Variants in SCML2 observed in about 807,000 individuals in gnomAD.
SCML2 encodes Scm polycomb group protein like 2.
In SCML2, 6 loss-of-function variants were observed where a neutral mutation model predicts 48.4. The observed-to-expected ratio is 0.12, with a 90% confidence interval of 0.07 to 0.24. The LOEUF is 0.24. Ranked by LOEUF, SCML2 falls within the 10% of genes least tolerant of loss-of-function variation. The pLI is 1.00. For missense variants in SCML2, 377 were observed against 528.2 expected, an observed-to-expected ratio of 0.71 and a Z score of 2.81; for synonymous variants, 181 against 189.5, an observed-to-expected ratio of 0.95 and a Z score of 0.37.
At chrX:18,331,259 CAAAAAAA>C (rs35589774) in intron 2 of SCML2, among the ~76,000 whole-genome samples, 23 of 16,262 alleles carry the variant, frequency 1.4e-3, no homozygotes, top group Admixed American at 1.8e-3. Flanking sequence ...GACTCCGTCT[CAAAAAAA>C]AAAAAAAAAA....
chrX:18,245,755 T>C (rs114936652), intron 13 of SCML2, among the ~76,000 whole-genome samples: 4,318 of 111,964 alleles, frequency 0.039, 218 homozygotes, highest in African/African-American at 0.13. Flanking sequence ...TTCTTTCTTT[T>C]TGAGATGGAG....
chrX:18,323,810 T>C, intron 5 of SCML2, 49 bp downstream of exon 5: 2 of 992,992 alleles, frequency 2.0e-6, no homozygotes, highest in Non-Finnish European at 2.9e-6. Context: ...CCATTTCTAT[T>C]GAATATCACA....
At chrX:18,299,603 C>T (rs751522253) in intron 7 of SCML2, among the ~76,000 whole-genome samples, 2 of 110,705 alleles carry the variant, frequency 1.8e-5, no homozygotes, top group East Asian at 2.8e-4. Context: ...TGAAAAAATG[C>T]TCAACATCAC....
At chrX:18,275,897 T>C (rs903700331) in intron 7 of SCML2, among the ~76,000 whole-genome samples, 1 of 112,548 alleles carries the variant, frequency 8.9e-6, no homozygotes, top group African/African-American at 3.2e-5. Context: ...CTCACTAGGA[T>C]GGCTATAATA....
intron 6 of SCML2, among the ~76,000 whole-genome samples, chrX:18,314,146 G>C (rs1226922079): frequency 8.9e-6 from 1 of 112,116 alleles, no homozygotes; most frequent in Non-Finnish European, 1.9e-5. Flanking sequence ...TCAAAAATCA[G>C]CTTTCCTCAT....
intron 7 of SCML2, among the ~76,000 whole-genome samples, chrX:18,277,585 T>G (rs145030411): frequency 5.8e-4 from 65 of 111,992 alleles, no homozygotes; most frequent in African/African-American, 2.0e-3. Flanking sequence ...CCCAAAAGCT[T>G]ATGCTCTTTG....
chrX:18,248,964 T>C (rs369685100), intron 11 of SCML2, among the ~76,000 whole-genome samples: 2 of 111,591 alleles, frequency 1.8e-5, no homozygotes, highest in Non-Finnish European at 1.9e-5. Context: ...AAATATAAAA[T>C]TGACTCGACT....
At chrX:18,329,750 T>C (rs191312330) in intron 3 of SCML2, among the ~76,000 whole-genome samples, 260 of 112,418 alleles carry the variant, frequency 2.3e-3, no homozygotes, top group African/African-American at 8.1e-3. Flanking sequence ...AGTAGTGCCA[T>C]GAGATAAGTA....
In SCML2 at chrX:18,258,157, G is replaced by A; in HGVS notation, c.1160C>T (p.Pro387Leu). 2 of 1,211,326 alleles carry A rather than the reference G, an allele frequency of 1.7e-6. No homozygotes were observed. Among genetic ancestry groups the A allele is most frequent in the Non-Finnish European group, 2.2e-6 (2 of 895,056 alleles). The change falls in exon 10 of 15, where the codon CCG becomes CTG. Residue 387 changes from proline to leucine, a missense_variant. Pro to Leu is a moderately conservative substitution (Grantham distance 98). Transcript: ENST00000251900. ...AATCCGGCGAAGCACCACATTCACC[G>A]GGCCCGGGCCGAAGTGGTCAGGCAG... is the stretch of plus-strand genomic sequence containing the variant. Reference protein sequence around the residue: ...QQLPDHFGPGPVNVVLRRIVQ... With the variant: ...QQLPDHFGPGLVNVVLRRIVQ...
intron 6 of SCML2, among the ~76,000 whole-genome samples, chrX:18,311,181 C>A (rs1928936849): frequency 9.0e-6 from 1 of 111,665 alleles, no homozygotes; most frequent in Admixed American, 9.6e-5. Context: ...ACTTATTTGA[C>A]CTCACCAATA....
At chrX:18,319,053 C>T (rs752882948) in intron 6 of SCML2, among the ~76,000 whole-genome samples, 1 of 112,006 alleles carries the variant, frequency 8.9e-6, no homozygotes, top group South Asian at 3.7e-4. Context: ...CGTGAAAACA[C>T]AGGGAAAAGG....
intron 14 of SCML2, 45 bp downstream of exon 14, chrX:18,242,390 GTCAT>G: frequency 8.8e-7 from 1 of 1,141,839 alleles, no homozygotes; most frequent in Middle Eastern, 2.7e-4. Context: ...CTGCACAGAG[GTCAT>G]TCAAAGGCAT....
In SCML2 at chrX:18,332,050, C is replaced by T. The variant is rs781277044; in HGVS notation, c.23-1395G>A. On this transcript the variant is annotated intron_variant, in intron 2 of 14. Coordinates refer to ENST00000251900, the MANE Select transcript of SCML2 (RefSeq NM_006089.3). ...TCTCTCTTTTCGTGATGTGAACAGT[C>T]GTGGATGGCTATTGCCTAGATCCTT... Among the ~76,000 whole-genome samples, 3 of 111,844 alleles carry T rather than the reference C, an allele frequency of 2.7e-5. No homozygotes were observed. In the South Asian group the frequency reaches 1.1e-3, roughly 42 times the overall value.
intron 11 of SCML2, among the ~76,000 whole-genome samples, chrX:18,250,781 T>G (rs1042351914): frequency 3.6e-5 from 4 of 111,358 alleles, no homozygotes; most frequent in Non-Finnish European, 7.5e-5. Flanking sequence ...TGTATTAGTC[T>G]GTTCTCAGAC....
intron 1 of SCML2, among the ~76,000 whole-genome samples, chrX:18,337,646 A>T (rs778974406): frequency 8.9e-6 from 1 of 111,876 alleles, no homozygotes; most frequent in South Asian, 3.7e-4. Context: ...CTAAAAAAGA[A>T]ATAGATAAAT....
intron 11 of SCML2, among the ~76,000 whole-genome samples, chrX:18,253,955 G>C (rs1182892976): frequency 8.9e-6 from 1 of 111,799 alleles, no homozygotes; most frequent in Non-Finnish European, 1.9e-5. Context: ...ATAGGCAAAA[G>C]TAATATATGG....
chrX:18,286,004 T>C (rs745994202), intron 7 of SCML2, among the ~76,000 whole-genome samples: 25 of 111,966 alleles, frequency 2.2e-4, no homozygotes, highest in Non-Finnish European at 4.5e-4. Context: ...ATGCCCTCAA[T>C]TGGTCTCAAT....
Position 18,348,919 on chromosome X carries a change from T to C in SCML2, c.-25+5673A>G, listed in dbSNP as rs529007923. Among the ~76,000 whole-genome samples, 10 of 111,822 alleles carry C rather than the reference T, an allele frequency of 8.9e-5. No individual in the cohort carries two copies. In the South Asian group the frequency reaches 3.7e-3, roughly 41 times the overall value. On this transcript the variant is annotated intron_variant, in intron 1 of 14. Transcript: ENST00000251900. ...TAAAACTGATGAAAGGTAGGAAAAG[T>C]GGCCAAATGTTAACCAAAAAAAACA...
chrX:18,345,754 T>C (rs1930178570), intron 1 of SCML2, among the ~76,000 whole-genome samples: 1 of 109,460 alleles, frequency 9.1e-6, no homozygotes, highest in African/African-American at 3.3e-5. Flanking sequence ...TCTCACTCTG[T>C]TGCCCAGGCT....
Sources: gnomAD v4.1 joint callset for allele counts (sites outside exome capture counted in the v4.1 genomes callset) on GRCh38, gnomAD v4.1.1 for gene constraint, MANE v1.5 for transcripts, NCBI Gene and HGNC (gene_info 2026-07-23, HGNC 2026-07-21) for gene names.